Variants in NCAM1 observed in about 807,000 individuals in gnomAD.
The protein encoded by NCAM1 is antigen recognized by monoclonal antibody 5.1H11.
Under a neutral mutation model 109.8 loss-of-function variants are expected in NCAM1, and 14 were observed. The ratio of observed to expected loss-of-function variants is 0.13; its 90% CI spans 0.08 to 0.20. The LOEUF is 0.20. NCAM1 is among the 10% of genes least tolerant of loss of function. The pLI, the probability that NCAM1 is intolerant of heterozygous loss-of-function variation, is 1.00. For synonymous variants in NCAM1, 418 were observed against 442.9 expected, an observed-to-expected ratio of 0.94 and a Z score of 0.70; for missense variants, 774 against 1,109.9, an observed-to-expected ratio of 0.70 and a Z score of 4.30.
intron 1 of NCAM1, among the ~76,000 whole-genome samples, chr11:112,978,876 A>G (rs1322452017): frequency 1.3e-5 from 2 of 151,832 alleles, no homozygotes; most frequent in African/African-American, 4.8e-5. Context: ...ATTTTGTTAA[A>G]TACTAGAAAG....
intron 1 of NCAM1, among the ~76,000 whole-genome samples, chr11:113,083,842 T>A (rs1391581814): frequency 6.6e-6 from 1 of 152,028 alleles, no homozygotes; most frequent in Non-Finnish European, 1.5e-5. Flanking sequence ...CATGAGATGG[T>A]GTGTAGTTTT....
At chr11:113,031,044 C>A (rs536247687) in intron 1 of NCAM1, among the ~76,000 whole-genome samples, 9 of 152,302 alleles carry the variant, frequency 5.9e-5, no homozygotes, top group African/African-American at 2.2e-4. Flanking sequence ...AATAAGGGAA[C>A]ACTGAATTGT....
intron 1 of NCAM1, among the ~76,000 whole-genome samples, chr11:113,169,536 A>C (rs192630490): frequency 6.6e-6 from 1 of 152,110 alleles, no homozygotes; most frequent in Non-Finnish European, 1.5e-5. Flanking sequence ...TCTTGAGTGT[A>C]AGATGACAGT....
chr11:113,189,304 G>A (rs367810764), intron 1 of NCAM1, among the ~76,000 whole-genome samples: 1 of 151,990 alleles, frequency 6.6e-6, no homozygotes, highest in African/African-American at 2.4e-5. Flanking sequence ...GCAAAAATTA[G>A]CCAGGCATGG....
intron 1 of NCAM1, among the ~76,000 whole-genome samples, chr11:112,988,372 C>G (rs1346359068): frequency 6.6e-6 from 1 of 152,102 alleles, no homozygotes; most frequent in African/African-American, 2.4e-5. Context: ...TTACCATTAC[C>G]ATTGAGTTTT....
chr11:113,252,695 G>C (rs1945717249), intron 15 of NCAM1, among the ~76,000 whole-genome samples: 1 of 151,282 alleles, frequency 6.6e-6, no homozygotes, highest in Admixed American at 6.6e-5. Context: ...GAGTGCAGTG[G>C]CATGATCTTG....
chr11:113,234,910 A>G (rs1354587429), intron 13 of NCAM1, 123 bp from the exon 14 acceptor site: 1 of 1,276,624 alleles, frequency 7.8e-7, no homozygotes, highest in Non-Finnish European at 1.1e-6. Flanking sequence ...GCCCAGAAAT[A>G]GAATTGCTGG....
rs1441576731 is a variant in NCAM1, at chr11:113,259,094, C to T, written c.1954-1052C>T. On this transcript the variant is annotated intron_variant, in intron 16 of 19. Coordinates refer to ENST00000316851, the MANE Select transcript of NCAM1 (RefSeq NM_181351.5). The stretch of plus-strand genomic sequence containing the variant: ...TGAGACGGAGTCTCGCTCTGTCGCC[C>T]AGGCTGGAGTGCAGTGGCGGGATCT... Among the ~76,000 whole-genome samples the T allele has an allele frequency of 8.6e-5, 13 of 150,946 alleles. No homozygotes were observed. In the East Asian group the frequency reaches 1.9e-3, roughly 23 times the overall value.
intron 14 of NCAM1, chr11:113,240,602 A>G (rs1945292193): frequency 2.1e-5 from 13 of 628,852 alleles, no homozygotes; most frequent in Non-Finnish European, 5.7e-6. Flanking sequence ...GTTTGACGTT[A>G]GAGAGAGCCC....
At chr11:113,155,750 C>A (rs1942388148) in intron 1 of NCAM1, among the ~76,000 whole-genome samples, 1 of 152,062 alleles carries the variant, frequency 6.6e-6, no homozygotes, top group South Asian at 2.1e-4. Context: ...TCTTAGAGTC[C>A]TTTCCTGTTG....
intron 1 of NCAM1, among the ~76,000 whole-genome samples, chr11:113,002,011 C>T (rs1295913988): frequency 1.3e-5 from 2 of 152,172 alleles, no homozygotes; most frequent in East Asian, 3.9e-4. Flanking sequence ...AAGAGGTTAT[C>T]TCCTTCTAAC....
At chr11:113,263,701 T>C in intron 17 of NCAM1, 1 of 985,568 alleles carries the variant, frequency 1.0e-6, no homozygotes. Flanking sequence ...CCTGGCAGCA[T>C]GTCGCAGATC....
chr11:113,098,453 A>C (rs988312707), intron 1 of NCAM1, among the ~76,000 whole-genome samples: 2 of 149,956 alleles, frequency 1.3e-5, no homozygotes, highest in Non-Finnish European at 2.9e-5. Context: ...TTTTATTTGT[A>C]TTATTATTAT....
rs1945825246 is a variant in NCAM1 at position 113,256,024 on chromosome 11, T to A, written c.1953+23T>A. On this transcript the variant is annotated intron_variant, in intron 16 of 19. Transcript: ENST00000316851. Reference sequence around the variant, plus strand: ...GCGGTGAGTGGCCTCCTTCTCAGACTTCACCAGAACCCTGCAACCCTGGCA... The same window carrying A: ...GCGGTGAGTGGCCTCCTTCTCAGACATCACCAGAACCCTGCAACCCTGGCA... 3 of 1,587,050 alleles carry A rather than the reference T, an allele frequency of 1.9e-6. No individual in the cohort carries two copies. In the East Asian group the frequency reaches 6.9e-5, roughly 37 times the overall value.
At chr11:113,148,821 C>A (rs868977240) in intron 1 of NCAM1, among the ~76,000 whole-genome samples, 4 of 152,162 alleles carry the variant, frequency 2.6e-5, no homozygotes, top group African/African-American at 9.7e-5. Flanking sequence ...GGCTCCAAGG[C>A]AAGGGCTCCT....
At chr11:113,123,781 GCCCA>G in intron 1 of NCAM1, among the ~76,000 whole-genome samples, 1 of 152,314 alleles carries the variant, frequency 6.6e-6, no homozygotes, top group African/African-American at 2.4e-5. Context: ...TGGTGGTACA[GCCCA>G]CAGCCTTTCC....
rs1226330556 is a variant in NCAM1, at chr11:113,274,459, CT to C, written c.2457-805del. ...CCCATGCATCCTCAGACCCGACTCC[CT>C]TTCCTGGAACTGATGGAGGCAGAGT... On this transcript the variant is annotated intron_variant, in intron 19 of 19. Coordinates refer to ENST00000316851, the MANE Select transcript of NCAM1 (RefSeq NM_181351.5). The surrounding 1 kb of genome is among the most constrained non-coding windows in gnomAD (Gnocchi z 4.1). Among the ~76,000 whole-genome samples the C allele has an allele frequency of 6.6e-6, 1 of 152,218 alleles. No homozygotes were observed. The highest frequency in any genetic ancestry group is 1.5e-5 in the Non-Finnish European group (1 of 68,038).
In NCAM1 at chr11:113,107,496, T is replaced by C. The variant is rs565314351; in HGVS notation, c.53-94883T>C. 2.0e-5 allele frequency among the ~76,000 whole-genome samples: 3 copies of C among 152,270 alleles called. No individual in the cohort carries two copies. In the South Asian group the frequency reaches 6.2e-4, roughly 32 times the overall value. On this transcript the variant is annotated intron_variant, in intron 1 of 19. Transcript: ENST00000316851. ...AAGACATACCTGAGACTGGGTACTT[T>C]ATAAAGAAAAAGATTTAACGGAGTC...
chr11:113,250,924 C>T (rs1277028723), intron 15 of NCAM1, among the ~76,000 whole-genome samples: 8 of 152,144 alleles, frequency 5.3e-5, no homozygotes, highest in East Asian at 3.9e-4. Flanking sequence ...CAGCCTCCTG[C>T]GTAGCTGGGA....
Sources: gnomAD v4.1 joint callset for allele counts (sites outside exome capture counted in the v4.1 genomes callset) on GRCh38, gnomAD v4.1.1 for gene constraint, Gnocchi (gnomAD v3.1) non-coding constraint, MANE v1.5 for transcripts, NCBI Gene and HGNC (gene_info 2026-07-23, HGNC 2026-07-21) for gene names.